Variants in MACF1 observed in about 807,000 individuals in gnomAD.
MACF1 encodes microtubule actin crosslinking factor 1.
Under a neutral mutation model 854.8 loss-of-function variants are expected in MACF1, and 193 were observed. The observed-to-expected ratio is 0.23, with a 90% CI of 0.20 to 0.25. The LOEUF is 0.25. Ranked by LOEUF, MACF1 falls within the 10% of genes least tolerant of loss-of-function variation. The pLI, the probability that MACF1 is intolerant of heterozygous loss-of-function variation, is 1.00. For synonymous variants in MACF1, 3,185 were observed against 3,226.7 expected (o/e 0.99, Z 0.44); for missense variants, 7,722 against 8,929.1 (o/e 0.86, Z 5.45).
At position 39,231,178 on chromosome 1, in the gene MACF1, A is replaced by G; in HGVS notation, c.110-4A>G. The G allele has an allele frequency of 6.2e-7, 1 of 1,614,102 alleles. No individual in the cohort carries two copies. Among genetic ancestry groups the G allele is most frequent in the Non-Finnish European group, 8.5e-7 (1 of 1,179,906 alleles). ...CCAGTGCCTTCTCTGTGTTTCCTTT[A>G]CAGATGAACGGGACCGGGTTCAGAA... is the stretch of plus-strand genomic sequence containing the variant. On this transcript the variant is annotated splice_polypyrimidine_tract_variant and splice_region_variant and intron_variant, in intron 1 of 100. Transcript: ENST00000564288.
chr1:39,167,026 A>G (rs978487956), intron 2 of MACF1, among the ~76,000 whole-genome samples: 1 of 151,854 alleles, frequency 6.6e-6, no homozygotes, highest in Non-Finnish European at 1.5e-5. Flanking sequence ...CAATGGCACA[A>G]TCTCGGCTCA....
intron 44 of MACF1, among the ~76,000 whole-genome samples, chr1:39,355,477 T>TC (rs1647468370): frequency 7.1e-6 from 1 of 140,890 alleles, no homozygotes; most frequent in African/African-American, 2.7e-5. Flanking sequence ...TTTTTTTTTT[T>TC]TTTTTTTTGA....
At chr1:39,107,969 G>A (rs1031928402) in intron 2 of MACF1, among the ~76,000 whole-genome samples, 1 of 152,160 alleles carries the variant, frequency 6.6e-6, no homozygotes, top group Non-Finnish European at 1.5e-5. Flanking sequence ...TGGAGTGTGA[G>A]GGAAGCAGAG....
At chr1:39,185,395 G>C (rs1331669666) in intron 2 of MACF1, among the ~76,000 whole-genome samples, 1 of 152,110 alleles carries the variant, frequency 6.6e-6, no homozygotes, top group Admixed American at 6.5e-5. Flanking sequence ...GGAGGCTAAG[G>C]CAGGAGGATT....
chr1:39,464,331 A>G (rs1644617244), intron 94 of MACF1: 1 of 153,092 alleles, frequency 6.5e-6, no homozygotes, highest in African/African-American at 2.4e-5. Flanking sequence ...ATGATTGGCA[A>G]AGAGGATTTA....
At chr1:39,114,732 A>G (rs1469546730) in intron 2 of MACF1, among the ~76,000 whole-genome samples, 2 of 152,204 alleles carry the variant, frequency 1.3e-5, no homozygotes, top group East Asian at 3.8e-4. Flanking sequence ...AAATGGAGGA[A>G]ACATATTGGC....
intron 30 of MACF1, among the ~76,000 whole-genome samples, chr1:39,318,891 AC>A (rs1275498170): frequency 6.6e-6 from 1 of 151,982 alleles, no homozygotes; most frequent in African/African-American, 2.4e-5. Flanking sequence ...TTTTTATATT[AC>A]ATTTTATTTT....
chr1:39,466,145 G>A (rs1359821239), intron 95 of MACF1, among the ~76,000 whole-genome samples: 1 of 152,184 alleles, frequency 6.6e-6, no homozygotes, highest in East Asian at 1.9e-4. Context: ...CACACAGCTA[G>A]TGTCAGCCAC....
chr1:39,357,447 G>C lies in MACF1; in HGVS notation c.11497G>C (p.Asp3833His), dbSNP rs138216559. ...CACCCAGTCAGCTCAGGCCTTCTTG[G>C]ATCAGCATGGCCACAATCTCACACC... ...LATQSAQAFLDQHGHNLTPEE... is the reference protein window; with the variant it reads ...LATQSAQAFLHQHGHNLTPEE... Residue 3833 changes from aspartate to histidine, a missense_variant, in exon 45 of 101, where the codon GAT becomes CAT. Asp to His is a moderately conservative substitution (Grantham distance 81). Coordinates refer to ENST00000564288, the MANE Select transcript of MACF1 (RefSeq NM_001394062.1). 2 of 1,614,000 alleles carry C rather than the reference G, an allele frequency of 1.2e-6. No homozygotes were observed. Among genetic ancestry groups the C allele is most frequent in the African/African-American group, 2.7e-5 (2 of 74,896 alleles).
chr1:39,461,497 A>C (rs368356779), intron 92 of MACF1, among the ~76,000 whole-genome samples: 31 of 152,178 alleles, frequency 2.0e-4, no homozygotes, highest in Admixed American at 5.2e-4. Context: ...TGCTCTTAAG[A>C]AGTATTTCTG....
intron 23 of MACF1, among the ~76,000 whole-genome samples, 159 bp downstream of exon 23, chr1:39,303,237 C>T (rs934423367): frequency 2.0e-5 from 3 of 152,188 alleles, no homozygotes; most frequent in Non-Finnish European, 4.4e-5. Flanking sequence ...CTACTACCAG[C>T]CACATAGTAG....
In MACF1 at chr1:39,125,001, C is replaced by T. The variant is rs114392273; in HGVS notation, c.220+40563C>T. Among the ~76,000 whole-genome samples, 775 of 152,256 alleles carry T rather than the reference C, an allele frequency of 5.1e-3. 8 individuals carry two copies. Among genetic ancestry groups the T allele is most frequent in the African/African-American group, 0.018 (741 of 41,538 alleles). On this transcript the variant is annotated intron_variant, in intron 2 of 93. Coordinates refer to the MACF1 transcript ENST00000361689. ...GAAATCAGGAAACTTTGATTGGATA[C>T]TTGATTCTGCCACTAATTTATTTGT...
At position 39,350,990 on chromosome 1, in the gene MACF1, C is replaced by T. The variant is rs748716218; in HGVS notation, c.11171C>T (p.Thr3724Ile). ...CAGAAGGAACTGGAGGAAGCAGTGACCTCCGCCTTACAGCAGGAGACTGAA... is the reference window on the plus strand; with the variant it reads ...CAGAAGGAACTGGAGGAAGCAGTGATCTCCGCCTTACAGCAGGAGACTGAA... ...VAQKELEEAV[T>I]SALQQETEKS... is the part of the protein sequence containing the mutation. Residue 3724 changes from threonine (T) to isoleucine (I), a missense_variant, in exon 43 of 101, where the codon ACC (threonine) becomes ATC (isoleucine). Physicochemically the swap from Thr to Ile is moderately conservative, Grantham distance 89. Coordinates refer to ENST00000564288, the MANE Select transcript of MACF1 (RefSeq NM_001394062.1). 10 of 1,614,086 alleles carry T rather than the reference C, an allele frequency of 6.2e-6. No homozygotes were observed. The highest frequency in any genetic ancestry group is 1.3e-5 in the African/African-American group (1 of 75,034).
intron 1 of MACF1, among the ~76,000 whole-genome samples, chr1:39,208,665 C>T (rs1571175398): frequency 6.6e-6 from 1 of 152,080 alleles, no homozygotes; most frequent in South Asian, 2.1e-4. Context: ...TGCCCTGTCG[C>T]CCAGGCTGGC....
chr1:39,178,552 A>G (rs1644062825), intron 2 of MACF1, among the ~76,000 whole-genome samples: 2 of 152,278 alleles, frequency 1.3e-5, no homozygotes, highest in South Asian at 4.1e-4. Context: ...TTCTTTCCCA[A>G]ATGATTCTTA....
intron 2 of MACF1, among the ~76,000 whole-genome samples, chr1:39,095,842 C>T (rs1641923595): frequency 6.6e-6 from 1 of 151,506 alleles, no homozygotes; most frequent in African/African-American, 2.4e-5. Flanking sequence ...CTACTACACT[C>T]CAGCGTAGGC....
At chr1:39,159,642 A>C (rs1040874225) in intron 2 of MACF1, among the ~76,000 whole-genome samples, 13 of 152,252 alleles carry the variant, frequency 8.5e-5, no homozygotes, top group African/African-American at 3.1e-4. Context: ...AGACATGAGA[A>C]GAATGTACTC....
intron 2 of MACF1, among the ~76,000 whole-genome samples, chr1:39,121,409 G>A (rs1642707204): frequency 6.6e-6 from 1 of 152,072 alleles, no homozygotes; most frequent in Non-Finnish European, 1.5e-5. Context: ...TATATATTGA[G>A]TCCTTACTAT....
At chr1:39,440,111 C>CTTTTTTTTTTTTTTTTTTTTTTTTT (rs774399403) in intron 72 of MACF1, among the ~76,000 whole-genome samples, 2 of 64,568 alleles carry the variant, frequency 3.1e-5, no homozygotes, top group African/African-American at 1.3e-4. Context: ...CTTTTCTTTT[C>CTTTTTTTTTTTTTTTTTTTTTTTTT]TTTTTTTTTT....
Sources: gnomAD v4.1 joint callset for allele counts (sites outside exome capture counted in the v4.1 genomes callset) on GRCh38, gnomAD v4.1.1 for gene constraint, MANE v1.5 for transcripts, NCBI Gene and HGNC (gene_info 2026-07-23, HGNC 2026-07-21) for gene names.